Variants in RCC1 observed in about 807,000 individuals in gnomAD.
The protein encoded by RCC1 is regulator of chromosome condensation 1.
Under a neutral mutation model 44.4 loss-of-function variants are expected in RCC1, and 11 were observed. The ratio of observed to expected loss-of-function variants is 0.25; its 90% confidence interval spans 0.16 to 0.41. The LOEUF (loss-of-function observed/expected upper bound fraction) is 0.41. Among genes scored for constraint, RCC1 ranks in the 10% least tolerant of loss-of-function variants. RCC1 has a pLI of 1.00. For synonymous variants in RCC1, 213 were observed against 216.5 expected (o/e 0.98, Z 0.14); for missense variants, 386 against 547.1 (o/e 0.71, Z 2.94).
intron 1 of RCC1, chr1:28,507,543 T>TG (rs781596956): frequency 3.5e-5 from 18 of 517,526 alleles, no homozygotes; most frequent in Non-Finnish European, 6.2e-5. Flanking sequence ...CGACAATTAC[T>TG]GGGGAGACAA....
chr1:28,530,778 C>T (rs575129332), intron 5 of RCC1, among the ~76,000 whole-genome samples: 1 of 152,272 alleles, frequency 6.6e-6, no homozygotes, highest in South Asian at 2.1e-4. Context: ...CCCGCAAATG[C>T]CGCTGTCCGC....
chr1:28,530,060 C>T lies in RCC1; in HGVS notation c.73+121C>T. The T allele has an allele frequency of 4.3e-6, 3 of 703,604 alleles. No homozygotes were observed. The South Asian group carries it at 6.0e-5, about 14-fold the overall frequency. 43.6% of individuals were successfully genotyped at this position (703,604 alleles called of 1,614,324 possible). A position where few individuals can be genotyped will look rare whatever the true frequency, so the allele number is the denominator to read the frequency against. Reference sequence around the variant, plus strand: ...AGGGTGTGGATGTGCAGAGACCCCACCCAGCTGGAAGGTTTCCTGTAGCTC... The same window carrying T: ...AGGGTGTGGATGTGCAGAGACCCCATCCAGCTGGAAGGTTTCCTGTAGCTC... On this transcript the variant is annotated intron_variant, in intron 5 of 12. Transcript: ENST00000683442.
chr1:28,536,954 A>G lies in RCC1; in HGVS notation c.1090+55A>G. ...TTGGGACCTGGGGGTCATGGTTCTT[A>G]CCCAATTCCCCAATAGGCTGTGATG... On this transcript the variant is annotated intron_variant, in intron 12 of 12. Coordinates refer to ENST00000683442, the MANE Select transcript of RCC1 (RefSeq NM_001381865.2). This position sits in a 1 kb window ranked among gnomAD's most constrained non-coding sequence, Gnocchi z 4.9. 3 of 1,592,556 alleles carry G rather than the reference A, an allele frequency of 1.9e-6. No individual in the cohort carries two copies. Among genetic ancestry groups the G allele is most frequent in the Non-Finnish European group, 2.6e-6 (3 of 1,165,396 alleles).
At chr1:28,508,957 T>G (rs749410136) in intron 3 of RCC1, 52 bp downstream of exon 3, 1 of 475,426 alleles carries the variant, frequency 2.1e-6, no homozygotes, top group African/African-American at 2.0e-5. Context: ...TTTGGCAGAC[T>G]TGGAGCAAAA....
chr1:28,517,811 C>A (rs986646557), intron 4 of RCC1, among the ~76,000 whole-genome samples: 1 of 152,122 alleles, frequency 6.6e-6, no homozygotes, highest in African/African-American at 2.4e-5. Flanking sequence ...GTCCTGCCCC[C>A]CTAGACTTAA....
At chr1:28,524,945 G>A (rs916068522) in intron 4 of RCC1, among the ~76,000 whole-genome samples, 1 of 152,092 alleles carries the variant, frequency 6.6e-6, no homozygotes, top group African/African-American at 2.4e-5. Flanking sequence ...AGGATAAGCC[G>A]CAGACAAAAC....
intron 3 of RCC1, among the ~76,000 whole-genome samples, chr1:28,515,839 G>A (rs1365190197): frequency 6.6e-6 from 1 of 152,068 alleles, no homozygotes; most frequent in Non-Finnish European, 1.5e-5. Flanking sequence ...CTGAGGTCGG[G>A]AGTTCCAGAC....
chr1:28,514,878 A>AAAAT (rs140467016), intron 3 of RCC1, among the ~76,000 whole-genome samples: 2 of 152,308 alleles, frequency 1.3e-5, no homozygotes, highest in Admixed American at 6.5e-5. Flanking sequence ...CCGTCTCGAA[A>AAAAT]AAATAAATAA....
At chr1:28,513,296 G>A (rs2124611904) in intron 3 of RCC1, among the ~76,000 whole-genome samples, 1 of 152,144 alleles carries the variant, frequency 6.6e-6, no homozygotes, top group Non-Finnish European at 1.5e-5. Context: ...CCAGGTTCAA[G>A]CAATTTTCAT....
intron 3 of RCC1, among the ~76,000 whole-genome samples, chr1:28,513,319 G>A (rs1466598021): frequency 1.3e-5 from 2 of 151,940 alleles, no homozygotes; most frequent in Non-Finnish European, 2.9e-5. Flanking sequence ...CTCAGCCTCT[G>A]GAGCAGCTGG....
At chr1:28,535,424 C>A in intron 9 of RCC1, 44 bp downstream of exon 9, 1 of 1,609,180 alleles carries the variant, frequency 6.2e-7, no homozygotes, top group South Asian at 1.1e-5. Flanking sequence ...TGGCAGGCCA[C>A]CCCCACAGTG....
rs757500814 is a variant in RCC1, at chr1:28,536,044, C to G, written c.817+18C>G. The stretch of plus-strand genomic sequence containing the variant: ...TCAGCTTGGTGAGCCCCGAGCCCAG[C>G]TTCAGGCATGACCCAGTGGCCTGCG... On this transcript the variant is annotated intron_variant, in intron 10 of 12. Transcript: ENST00000683442. The surrounding 1 kb of genome is among the most constrained non-coding windows in gnomAD (Gnocchi z 4.9). 17 of 1,595,736 alleles carry G rather than the reference C, an allele frequency of 1.1e-5. 1 individual carries two copies. In the South Asian group the frequency reaches 1.8e-4, roughly 17 times the overall value.
chr1:28,527,790 A>T (rs977137698), intron 4 of RCC1, among the ~76,000 whole-genome samples: 1 of 149,826 alleles, frequency 6.7e-6, no homozygotes, highest in African/African-American at 2.5e-5. Context: ...TGGGTGGATC[A>T]TCTGAGGTCA....
chr1:28,532,954 T>G (rs1664269696), intron 7 of RCC1, among the ~76,000 whole-genome samples: 1 of 152,072 alleles, frequency 6.6e-6, no homozygotes, highest in Non-Finnish European at 1.5e-5. Flanking sequence ...TAGCTGGGAT[T>G]ACAGGCATGC....
chr1:28,514,178 C>T (rs922677806), intron 3 of RCC1, among the ~76,000 whole-genome samples: 6 of 151,562 alleles, frequency 4.0e-5, no homozygotes, highest in African/African-American at 9.7e-5. Context: ...AGGCGGGGCC[C>T]GGTGGCTCAC....
rs959961699 is a variant in RCC1, at chr1:28,508,201, T to A, written c.-229+41T>A. The A allele has an allele frequency of 5.6e-5, 24 of 428,156 alleles. No homozygotes were observed. The Admixed American group carries it at 6.0e-4, about 11-fold the overall frequency. 26.5% of individuals were successfully genotyped at this position (428,156 alleles called of 1,614,324 possible). A position where few individuals can be genotyped will look rare whatever the true frequency, so the allele number is the denominator to read the frequency against. The stretch of plus-strand genomic sequence containing the variant: ...AATTGTTTTTTGCTTATCAGCTCTT[T>A]GTCAATGATTTCTGTAATGGAAATA... On this transcript the variant is annotated intron_variant, in intron 2 of 12. Coordinates refer to ENST00000683442, the MANE Select transcript of RCC1 (RefSeq NM_001381865.2).
intron 1 of RCC1, chr1:28,507,201 A>G: frequency 2.7e-6 from 1 of 376,684 alleles, no homozygotes; most frequent in Non-Finnish European, 5.3e-6. Context: ...AGTAATTAGA[A>G]TAGCTGAATA....
At chr1:28,518,843 A>C (rs1663092112) in intron 4 of RCC1, 1 of 152,132 alleles carries the variant, frequency 6.6e-6, no homozygotes, top group African/African-American at 2.4e-5. Context: ...TCAGCAGATT[A>C]TTTGCTGGCC....
chr1:28,506,632 A>C (rs2124587356), intron 1 of RCC1: 1 of 183,370 alleles, frequency 5.5e-6, no homozygotes, highest in Middle Eastern at 2.7e-3. Flanking sequence ...CGAGCCTCTG[A>C]AGGTGCACCG....
Sources: gnomAD v4.1 joint callset for allele counts (sites outside exome capture counted in the v4.1 genomes callset) on GRCh38, gnomAD v4.1.1 for gene constraint, Gnocchi (gnomAD v3.1) non-coding constraint, MANE v1.5 for transcripts, NCBI Gene and HGNC (gene_info 2026-07-23, HGNC 2026-07-21) for gene names.